RGSL1: variants seen among roughly 807,000 people sequenced by gnomAD.
The protein encoded by RGSL1 is regulator of G protein signaling like 1.
A neutral mutation model predicts 124.7 loss-of-function variants in RGSL1; 97 were observed. That is an observed-to-expected ratio of 0.78 (90% CI 0.66 to 0.92). The LOEUF (loss-of-function observed/expected upper bound fraction) is 0.92. Among genes scored for constraint, RGSL1 ranks in the 40% least tolerant of loss-of-function variants. The pLI, the probability that RGSL1 is intolerant of heterozygous loss-of-function variation, is 0.00. For missense variants in RGSL1, 1,233 were observed against 1,288.4 expected (o/e 0.96, Z 0.66); for synonymous variants, 424 against 438.1 (o/e 0.97, Z 0.40).
chr1:182,473,541 A>T (rs924376315), intron 5 of RGSL1, 34 bp from the exon 6 acceptor site: 4 of 1,485,098 alleles, frequency 2.7e-6, no homozygotes, highest in Non-Finnish European at 1.8e-6. Context: ...TCATCCCATC[A>T]TTTTCACCCA....
At chr1:182,506,028 T>G (rs1259692549) in intron 9 of RGSL1, among the ~76,000 whole-genome samples, 1 of 152,224 alleles carries the variant, frequency 6.6e-6, no homozygotes, top group East Asian at 1.9e-4. Context: ...TAGATAGATG[T>G]GGCATTACAT....
intron 1 of RGSL1, chr1:182,450,622 GA>G (rs1275237683): frequency 4.4e-6 from 1 of 226,186 alleles, no homozygotes; most frequent in African/African-American, 2.2e-5. Context: ...ATGAGGAAGG[GA>G]AGGATGTACA....
intron 15 of RGSL1, among the ~76,000 whole-genome samples, chr1:182,543,563 T>A (rs192830009): frequency 6.6e-6 from 1 of 152,190 alleles, no homozygotes; most frequent in East Asian, 1.9e-4. Context: ...GTTGGCCTTG[T>A]AGAATGAGTT....
chr1:182,546,035 A>C (rs1412785642), intron 15 of RGSL1, among the ~76,000 whole-genome samples: 1 of 152,104 alleles, frequency 6.6e-6, no homozygotes, highest in Non-Finnish European at 1.5e-5. Flanking sequence ...TCCCTCTTGA[A>C]CACCAATAAT....
At chr1:182,454,443 C>T (rs1652116797) in intron 2 of RGSL1, among the ~76,000 whole-genome samples, 2 of 152,154 alleles carry the variant, frequency 1.3e-5, no homozygotes, top group South Asian at 4.1e-4. Flanking sequence ...ATAGTTCCAC[C>T]TACGAAAATC....
chr1:182,552,194 A>G (rs1232800075), intron 18 of RGSL1, among the ~76,000 whole-genome samples: 1 of 151,894 alleles, frequency 6.6e-6, no homozygotes, highest in Non-Finnish European at 1.5e-5. Flanking sequence ...GCTCACTGCA[A>G]GCTCCACCTC....
At chr1:182,503,006 C>T (rs1390806071) in intron 9 of RGSL1, among the ~76,000 whole-genome samples, 1 of 152,126 alleles carries the variant, frequency 6.6e-6, no homozygotes, top group Non-Finnish European at 1.5e-5. Flanking sequence ...CAGGCAATAA[C>T]AAATGCTGGC....
At chr1:182,525,327 G>A (rs550545099) in intron 10 of RGSL1, among the ~76,000 whole-genome samples, 1 of 152,222 alleles carries the variant, frequency 6.6e-6, no homozygotes, top group African/African-American at 2.4e-5. Flanking sequence ...TGATTCAGAT[G>A]TTAGACTAAA....
rs1476783977 is a variant in RGSL1, at chr1:182,540,796, A to G, written c.2669+375A>G. ...TACAAATTGTGTGTGTGTCTGTATG[A>G]CATTAAACAGATATTTTTAAGTTAA... is the stretch of plus-strand genomic sequence containing the variant. On this transcript the variant is annotated intron_variant, in intron 15 of 21. Transcript: ENST00000294854. Among the ~76,000 whole-genome samples, 4 of 152,236 alleles carry G rather than the reference A, an allele frequency of 2.6e-5. No individual in the cohort carries two copies. The East Asian group carries it at 7.7e-4, about 29-fold the overall frequency.
intron 9 of RGSL1, among the ~76,000 whole-genome samples, chr1:182,508,876 T>C (rs1399673192): frequency 1.0e-5 from 1 of 97,140 alleles, no homozygotes; most frequent in African/African-American, 4.1e-5. Flanking sequence ...AGATTAGGGA[T>C]TGGTGATGAC....
chr1:182,453,068 C>T (rs942174960), intron 1 of RGSL1, among the ~76,000 whole-genome samples: 1 of 152,160 alleles, frequency 6.6e-6, no homozygotes, highest in Non-Finnish European at 1.5e-5. Context: ...CTCTTATTTA[C>T]TAGAGGAGTT....
chr1:182,449,188 C>T (rs1342833371), upstream of RGSL1: 2 of 152,078 alleles, frequency 1.3e-5, no homozygotes, highest in Non-Finnish European at 2.9e-5. Context: ...TCTCATCTTG[C>T]AATACATAGA....
chr1:182,472,717 T>A (rs182176296), intron 5 of RGSL1, 160 bp downstream of exon 5: 7 of 671,190 alleles, frequency 1.0e-5, no homozygotes, highest in African/African-American at 1.8e-5. Context: ...CAGGAAAGTA[T>A]TGAAAGACAC....
intron 18 of RGSL1, among the ~76,000 whole-genome samples, chr1:182,552,485 T>C (rs1183541121): frequency 6.6e-6 from 1 of 152,100 alleles, no homozygotes; most frequent in African/African-American, 2.4e-5. Flanking sequence ...CTGGGTGTCT[T>C]TCAGGGGAAA....
chr1:182,537,036 A>G (rs6697141), intron 14 of RGSL1, among the ~76,000 whole-genome samples: 4,196 of 152,290 alleles, frequency 0.028, 173 homozygotes, highest in African/African-American at 0.091. Context: ...AGAATTCTTT[A>G]TATAATCTGG....
At chr1:182,469,772 T>C (rs182424325) in intron 4 of RGSL1, among the ~76,000 whole-genome samples, 2 of 152,260 alleles carry the variant, frequency 1.3e-5, no homozygotes, top group Admixed American at 6.5e-5. Flanking sequence ...AATGGATGAA[T>C]GGATAAGCAA....
At chr1:182,550,391 A>T (rs1015239067) in intron 17 of RGSL1, 2 of 152,166 alleles carry the variant, frequency 1.3e-5, no homozygotes, top group African/African-American at 4.8e-5. Context: ...TCCCTCAAGG[A>T]GAGGGGAGGA....
chr1:182,534,373 A>G (rs1235521085), intron 14 of RGSL1, among the ~76,000 whole-genome samples: 4 of 152,166 alleles, frequency 2.6e-5, no homozygotes, highest in Admixed American at 1.3e-4. Context: ...CTTCTTTAGG[A>G]GTTGAGCATC....
chr1:182,524,411 G>A (rs1423309490), intron 10 of RGSL1, among the ~76,000 whole-genome samples: 2 of 152,090 alleles, frequency 1.3e-5, no homozygotes, highest in African/African-American at 4.8e-5. Context: ...AAGTGGAAGG[G>A]AAAATACAGA....
Sources: gnomAD v4.1 joint callset for allele counts (sites outside exome capture counted in the v4.1 genomes callset) on GRCh38, gnomAD v4.1.1 for gene constraint, MANE v1.5 for transcripts, NCBI Gene and HGNC (gene_info 2026-07-23, HGNC 2026-07-21) for gene names.